Variants in ZNF345 observed in about 807,000 individuals in gnomAD.
The protein encoded by ZNF345 is zinc finger protein HZF10.
For synonymous variants in ZNF345, 166 were observed against 187.9 expected (o/e 0.88, Z 0.95); for missense variants, 527 against 589.9 (o/e 0.89, Z 1.10).
intron 2 of ZNF345, among the ~76,000 whole-genome samples, chr19:36,857,120 C>A (rs1248806078): frequency 6.6e-6 from 1 of 151,850 alleles, no homozygotes. Context: ...ATCTTTATCA[C>A]GAATTGTAAT....
intron 2 of ZNF345, among the ~76,000 whole-genome samples, chr19:36,853,782 G>T (rs2072342386): frequency 6.6e-6 from 1 of 152,054 alleles, no homozygotes; most frequent in East Asian, 1.9e-4. Context: ...GTCACTCCTC[G>T]CAGTAATAAC....
downstream of ZNF345, among the ~76,000 whole-genome samples, chr19:36,884,359 A>G (rs966666086): frequency 2.0e-5 from 3 of 152,182 alleles, no homozygotes; most frequent in South Asian, 6.2e-4. Context: ...CACCTGGCCT[A>G]TGATTACAAC....
upstream of ZNF345, chr19:36,850,807 C>A (rs1164253053): frequency 6.6e-6 from 1 of 152,264 alleles, no homozygotes; most frequent in Non-Finnish European, 1.5e-5. Context: ...TTCCCAGAAG[C>A]CTCTAGGCCC....
chr19:36,866,837 C>T (rs2072670885), intron 2 of ZNF345, among the ~76,000 whole-genome samples: 2 of 152,196 alleles, frequency 1.3e-5, no homozygotes, highest in South Asian at 2.1e-4. Context: ...AGGCGTGAGC[C>T]GCCGCACCTG....
At chr19:36,886,609 G>A (rs1253682791) in intron 3 of ZNF345, among the ~76,000 whole-genome samples, 1 of 152,302 alleles carries the variant, frequency 6.6e-6, no homozygotes, top group East Asian at 1.9e-4. Flanking sequence ...ACTTTGGGAG[G>A]CCGAGGAGGG....
chr19:36,870,232 T>C (rs1360063620), intron 2 of ZNF345, among the ~76,000 whole-genome samples: 1 of 152,260 alleles, frequency 6.6e-6, no homozygotes, highest in Admixed American at 6.5e-5. Context: ...ATCACGCTTA[T>C]ATTTTTACGC....
chr19:36,853,399 C>T (rs771059500), intron 2 of ZNF345, among the ~76,000 whole-genome samples: 12 of 152,136 alleles, frequency 7.9e-5, no homozygotes, highest in Admixed American at 1.3e-4. Context: ...CAGGCATGCA[C>T]CACCATACCT....
chr19:36,885,254 A>G (rs1198819464), intron 3 of ZNF345, among the ~76,000 whole-genome samples: 1 of 151,806 alleles, frequency 6.6e-6, no homozygotes, highest in African/African-American at 2.4e-5. Flanking sequence ...TTCACTTCCA[A>G]TGACTAATAA....
intron 2 of ZNF345, among the ~76,000 whole-genome samples, chr19:36,860,996 A>G (rs1452686970): frequency 6.6e-6 from 1 of 151,982 alleles, no homozygotes; most frequent in Non-Finnish European, 1.5e-5. Flanking sequence ...ATTGGTTGGC[A>G]TTCTACTATA....
At chr19:36,889,780 A>G (rs974459013) in intron 3 of ZNF345, 6 of 151,214 alleles carry the variant, frequency 4.0e-5, no homozygotes, top group African/African-American at 1.5e-4. Context: ...GCCTGCTCTG[A>G]TATTTGTTAT....
chr19:36,872,885 T>G (rs2072798904), intron 2 of ZNF345: 2 of 152,242 alleles, frequency 1.3e-5, no homozygotes, highest in South Asian at 4.1e-4. Context: ...TTAGAATCCA[T>G]TGAGGATCCT....
intron 2 of ZNF345, chr19:36,858,302 G>A (rs948738678): frequency 5.2e-5 from 8 of 153,142 alleles, no homozygotes; most frequent in Non-Finnish European, 8.8e-5. Context: ...TCAATTAGTT[G>A]TAAACACCAC....
chr19:36,881,356 G>A (rs1050470332), downstream of ZNF345, among the ~76,000 whole-genome samples: 5 of 152,070 alleles, frequency 3.3e-5, no homozygotes, highest in South Asian at 2.1e-4. Flanking sequence ...TGTTTATTAC[G>A]ATTACATGTA....
chr19:36,857,265 A>T (rs2072438652), intron 2 of ZNF345, among the ~76,000 whole-genome samples: 1 of 151,988 alleles, frequency 6.6e-6, no homozygotes, highest in African/African-American at 2.4e-5. Context: ...AATTATAATT[A>T]TATACATAAT....
At chr19:36,869,583 T>G (rs1232453084) in intron 2 of ZNF345, among the ~76,000 whole-genome samples, 1 of 152,182 alleles carries the variant, frequency 6.6e-6, no homozygotes, top group East Asian at 1.9e-4. Flanking sequence ...GGGTCCACCA[T>G]GAGTTACCTC....
chr19:36,857,016 C>A (rs991635388), intron 2 of ZNF345, among the ~76,000 whole-genome samples: 3 of 151,964 alleles, frequency 2.0e-5, no homozygotes, highest in Non-Finnish European at 4.4e-5. Flanking sequence ...ACTTAGAATT[C>A]TTTTTTTAAT....
chr19:36,861,631 G>A (rs1021540178), intron 2 of ZNF345, among the ~76,000 whole-genome samples: 10 of 152,024 alleles, frequency 6.6e-5, no homozygotes, highest in Admixed American at 1.3e-4. Context: ...CGTGATCTCC[G>A]CTCACTGCAA....
At chr19:36,868,648 A>G (rs1256918577) in intron 2 of ZNF345, among the ~76,000 whole-genome samples, 8 of 134,082 alleles carry the variant, frequency 6.0e-5, no homozygotes, top group Non-Finnish European at 1.1e-4. Flanking sequence ...TTTTTTTGAG[A>G]TGGAGTCTTG....
At chr19:36,891,073 A>G (rs73039109) in intron 3 of ZNF345, 38,457 of 157,806 alleles carry the variant, frequency 0.24, 5,531 homozygotes, top group Non-Finnish European at 0.33. Context: ...TCACCAGGTA[A>G]CCCCAATCTA....
Sources: gnomAD v4.1 joint callset for allele counts (sites outside exome capture counted in the v4.1 genomes callset) on GRCh38, gnomAD v4.1.1 for gene constraint, MANE v1.5 for transcripts, NCBI Gene and HGNC (gene_info 2026-07-23, HGNC 2026-07-21) for gene names.